The following AASDH variants were observed in gnomAD, a reference collection of about 807,000 sequenced individuals.
The protein encoded by AASDH is beta-alanine-activating enzyme.
A neutral mutation model predicts 102.3 loss-of-function variants in AASDH; 81 were observed. The ratio of observed to expected loss-of-function variants is 0.79; its 90% CI spans 0.66 to 0.95. The LOEUF (loss-of-function observed/expected upper bound fraction) is 0.95, where lower values mean the gene tolerates loss of function less well. Among genes scored for constraint, AASDH ranks in the 40% least tolerant of loss-of-function variants. The probability of loss-of-function intolerance (pLI) is 0.00; values close to 1 mark genes in which losing one functional copy is unlikely to be tolerated. For synonymous variants in AASDH, 398 were observed against 454.0 expected (o/e 0.88, Z 1.57); for missense variants, 1,203 against 1,266.2 (o/e 0.95, Z 0.76).
chr4:56,347,335 A>G (rs1386940932), intron 11 of AASDH, among the ~76,000 whole-genome samples: 1 of 152,194 alleles, frequency 6.6e-6, no homozygotes, highest in Non-Finnish European at 1.5e-5. Context: ...AAGGGGAAGA[A>G]GGGAAGAATC....
chr4:56,355,901 G>A (rs1204346344), intron 5 of AASDH, among the ~76,000 whole-genome samples: 1 of 152,096 alleles, frequency 6.6e-6, no homozygotes, highest in East Asian at 1.9e-4. Flanking sequence ...ACAGGCATGA[G>A]CCACCATGCC....
intron 12 of AASDH, among the ~76,000 whole-genome samples, chr4:56,344,551 ACTT>A (rs1261446975): frequency 6.6e-6 from 1 of 152,044 alleles, no homozygotes; most frequent in Non-Finnish European, 1.5e-5. Context: ...ATGAATTTCC[ACTT>A]TTTTTACATT....
At chr4:56,344,576 T>C (rs1748102339) in intron 12 of AASDH, among the ~76,000 whole-genome samples, 1 of 152,134 alleles carries the variant, frequency 6.6e-6, no homozygotes, top group Admixed American at 6.6e-5. Flanking sequence ...ATTTCAAAAA[T>C]TTTCCCAGCT....
At chr4:56,385,679 C>G (rs141459401) in intron 1 of AASDH, among the ~76,000 whole-genome samples, 1 of 152,188 alleles carries the variant, frequency 6.6e-6, no homozygotes, top group Non-Finnish European at 1.5e-5. Flanking sequence ...CTCACTGCAA[C>G]CTCTGCCTCC....
rs75978233 is a variant in AASDH at position 56,372,728 on chromosome 4, C to G, written c.669-1085G>C. Among the ~76,000 whole-genome samples, 405 of 152,264 alleles carry G rather than the reference C, an allele frequency of 2.7e-3. 3 individuals are homozygous for G. Among genetic ancestry groups the G allele is most frequent in the Non-Finnish European group, 2.4e-3 (163 of 68,030 alleles). Reference sequence around the variant, plus strand: ...AGGCTGTGATACCTTTCCTCCCCATCATAAGGCTCACAGCCCACACTCTTA... The same window carrying G: ...AGGCTGTGATACCTTTCCTCCCCATGATAAGGCTCACAGCCCACACTCTTA... On this transcript the variant is annotated intron_variant, in intron 4 of 14. Transcript: ENST00000205214.
chr4:56,341,696 C>T (rs1747714270), intron 14 of AASDH, among the ~76,000 whole-genome samples: 1 of 151,926 alleles, frequency 6.6e-6, no homozygotes, highest in Non-Finnish European at 1.5e-5. Flanking sequence ...CCATGATGCC[C>T]AGCCATTGGA....
intron 5 of AASDH, among the ~76,000 whole-genome samples, chr4:56,369,280 G>A (rs1751412632): frequency 6.6e-6 from 1 of 152,178 alleles, no homozygotes; most frequent in Non-Finnish European, 1.5e-5. Context: ...GACATAGAAG[G>A]AAAGTCTCCT....
At chr4:56,340,087 T>G (rs180746514) in intron 14 of AASDH, among the ~76,000 whole-genome samples, 1 of 152,118 alleles carries the variant, frequency 6.6e-6, no homozygotes, top group Non-Finnish European at 1.5e-5. Flanking sequence ...GAGAATGGCT[T>G]GAACCCGGGA....
intron 4 of AASDH, among the ~76,000 whole-genome samples, chr4:56,377,582 T>C (rs922599288): frequency 6.6e-6 from 1 of 152,174 alleles, no homozygotes; most frequent in African/African-American, 2.4e-5. Flanking sequence ...CCCTTTTTAT[T>C]AATAATTAAG....
chr4:56,351,870 C>A (rs1278098574), intron 9 of AASDH, among the ~76,000 whole-genome samples: 1 of 149,072 alleles, frequency 6.7e-6, no homozygotes, highest in Non-Finnish European at 1.5e-5. Flanking sequence ...TGAGCCCTGA[C>A]TGCACCACTG....
intron 4 of AASDH, among the ~76,000 whole-genome samples, chr4:56,372,619 T>C (rs1751863088): frequency 1.3e-5 from 2 of 152,338 alleles, no homozygotes; most frequent in East Asian, 1.9e-4. Flanking sequence ...AAATATGGTA[T>C]AAACATTTTA....
In AASDH at chr4:56,353,562, G is replaced by A. The variant is rs1222789028; in HGVS notation, c.1418C>T (p.Ala473Val). ...AEELQQVESC[A>V]VTWYNQEKLI... ...TTTTTCCTGATTATACCATGTAACT[G>A]CACAAGACTCCACTTGCTGAAGCTC... Residue 473 changes from alanine to valine, a missense_variant, in exon 9 of 15, where the codon GCA (alanine) becomes GTA (valine). Coordinates refer to ENST00000205214, the MANE Select transcript of AASDH (RefSeq NM_181806.4). 1 of 1,612,350 alleles carries A rather than the reference G, an allele frequency of 6.2e-7. No individual in the cohort carries two copies. The highest frequency in any genetic ancestry group is 8.5e-7 in the Non-Finnish European group (1 of 1,179,804).
chr4:56,339,973 A>G (rs1317684339), intron 14 of AASDH, among the ~76,000 whole-genome samples: 2 of 152,042 alleles, frequency 1.3e-5, no homozygotes, highest in Non-Finnish European at 2.9e-5. Flanking sequence ...GTTCGAGACC[A>G]GCCTGGCCAA....
At chr4:56,338,848 C>CTT in intron 14 of AASDH, 57 bp from the exon 15 acceptor site, 1 of 1,505,104 alleles carries the variant, frequency 6.6e-7, no homozygotes, top group South Asian at 1.2e-5. Context: ...CCAATTCTCC[C>CTT]TTAAAGCTCT....
In AASDH at chr4:56,355,362, G is replaced by A. The variant is rs1749486856; in HGVS notation, c.923C>T (p.Ala308Val). 6 of 1,613,978 alleles carry A rather than the reference G, an allele frequency of 3.7e-6. No individual in the cohort carries two copies. Among genetic ancestry groups the A allele is most frequent in the Non-Finnish European group, 2.5e-6 (3 of 1,179,974 alleles). Residue 308 changes from alanine to valine, a missense_variant, in exon 6 of 15, where the codon GCC becomes GTC. Transcript: ENST00000205214. Reference protein sequence around the residue: ...SQLIKSTVLSATTSLRVLALG... With the variant: ...SQLIKSTVLSVTTSLRVLALG... ...GGCTAATACTCGAAGAGAAGTAGTG[G>A]CTGACAAAACAGTTGACTTGATAAG...
Position 56,354,157 on chromosome 4 carries a change from G to C in AASDH, c.1265C>G (p.Thr422Arg). 6.2e-7 allele frequency: 1 copy of C among 1,610,668 alleles called. No individual in the cohort carries two copies. The highest frequency in any genetic ancestry group is 8.5e-7 in the Non-Finnish European group (1 of 1,178,114). ...LDDEVTVPLG[T>R]MRATGDFVTV... Reference sequence around the variant, plus strand: ...CACAAAGTCTCCTGTAGCTCGCATTGTGCCAAGTGGTACTGTCACTTCATC... The same window carrying C: ...CACAAAGTCTCCTGTAGCTCGCATTCTGCCAAGTGGTACTGTCACTTCATC... Residue 422 changes from threonine to arginine, a missense_variant, in exon 8 of 15, where the codon ACA becomes AGA. Thr to Arg is a moderately conservative substitution (Grantham distance 71). Coordinates refer to ENST00000205214, the MANE Select transcript of AASDH (RefSeq NM_181806.4).
In AASDH at chr4:56,339,516, C is replaced by CA. The variant is rs535518588; in HGVS notation, c.2908-726dup. 1.1e-4 allele frequency among the ~76,000 whole-genome samples: 16 copies of CA among 152,042 alleles called. No individual in the cohort carries two copies. In the South Asian group the frequency reaches 3.3e-3, roughly 32 times the overall value. ...CTATAATCCCAGCATTTTGGGAGGCCAAGGCAGGCAGATCACCTGCAGTCA... is the reference window on the plus strand; with the variant it reads ...CTATAATCCCAGCATTTTGGGAGGCCAAAGGCAGGCAGATCACCTGCAGTCA... On this transcript the variant is annotated intron_variant, in intron 14 of 14. Transcript: ENST00000205214.
chr4:56,385,744 C>T (rs1350650382), intron 1 of AASDH, among the ~76,000 whole-genome samples: 3 of 151,884 alleles, frequency 2.0e-5, no homozygotes, highest in Admixed American at 6.6e-5. Flanking sequence ...ATTACAAGTG[C>T]GCGCTACCAT....
intron 14 of AASDH, among the ~76,000 whole-genome samples, chr4:56,340,863 AAT>A (rs1747583577): frequency 6.6e-6 from 1 of 152,214 alleles, no homozygotes; most frequent in Non-Finnish European, 1.5e-5. Context: ...AAGGGAGATG[AAT>A]AGACATATCT....
Sources: gnomAD v4.1 joint callset for allele counts (sites outside exome capture counted in the v4.1 genomes callset) on GRCh38, gnomAD v4.1.1 for gene constraint, MANE v1.5 for transcripts, NCBI Gene and HGNC (gene_info 2026-07-23, HGNC 2026-07-21) for gene names.